GDAP1: variants seen among roughly 807,000 people sequenced by gnomAD.
GDAP1 encodes ganglioside-induced differentiation-associated protein 1.
A neutral mutation model predicts 40.1 loss-of-function variants in GDAP1; 34 were observed. The ratio of observed to expected loss-of-function variants is 0.85; its 90% CI spans 0.64 to 1.13. GDAP1 has a LOEUF of 1.13. GDAP1 is among the 50% of genes most tolerant of loss of function. GDAP1 has a pLI of 0.00. For missense variants in GDAP1, 374 were observed against 433.7 expected, an observed-to-expected ratio of 0.86 and a Z score of 1.22; for synonymous variants, 170 against 157.4, an observed-to-expected ratio of 1.08 and a Z score of -0.60.
intron 2 of GDAP1, among the ~76,000 whole-genome samples, chr8:74,442,779 G>T (rs1446035566): frequency 1.3e-5 from 2 of 152,156 alleles, no homozygotes; most frequent in African/African-American, 4.8e-5. Context: ...AGTAGCAAAG[G>T]AAGGTTGCAT....
intron 2 of GDAP1, among the ~76,000 whole-genome samples, chr8:74,434,029 C>A (rs769462616): frequency 6.6e-6 from 1 of 152,208 alleles, no homozygotes; most frequent in Non-Finnish European, 1.5e-5. Flanking sequence ...TAGGCTGGTA[C>A]TAATTTGTAC....
In GDAP1 at chr8:74,350,555, A is replaced by T. The variant is rs1808801797; in HGVS notation, c.94A>T (p.Thr32Ser). The T allele has an allele frequency of 6.2e-7, 1 of 1,608,130 alleles. No homozygotes were observed. The highest frequency in any genetic ancestry group is 1.3e-5 in the African/African-American group (1 of 74,840). ...GGTTAAGCTCATTCTGTACCATTGG[A>T]CGCATTCCTTCAGCTCTCAAAAGGT... ...AEVKLILYHW[T>S]HSFSSQKVRL... The change falls in exon 1 of 6, where the codon ACG (threonine) becomes TCG (serine). Residue 32 changes from threonine (T) to serine (S), a missense_variant. Transcript: ENST00000220822.
rs930100913 is a variant in GDAP1, at chr8:74,409,002, C to T, written c.165+57681C>T. ...CAAAGGCTGTTTCTTGCAATGTAGT[C>T]CCAGACTACCTTCACCAGAGTCATT... is the stretch of plus-strand genomic sequence containing the variant. On this transcript the variant is annotated intron_variant, in intron 2 of 2. Coordinates refer to the GDAP1 transcript ENST00000523640. 1.3e-5 allele frequency among the ~76,000 whole-genome samples: 2 copies of T among 149,812 alleles called. 1 individual carries two copies. Among genetic ancestry groups the T allele is most frequent in the African/African-American group, 5.1e-5 (2 of 39,234 alleles).
At chr8:74,351,214 A>G in intron 1 of GDAP1, 60 bp from the exon 2 acceptor site, 2 of 1,383,922 alleles carry the variant, frequency 1.4e-6, no homozygotes, top group Non-Finnish European at 2.1e-6. Flanking sequence ...AGCGGTGTCC[A>G]GGGAAGTCAT....
chr8:74,468,953 T>G (rs1806509039), intron 2 of GDAP1, among the ~76,000 whole-genome samples: 1 of 152,150 alleles, frequency 6.6e-6, no homozygotes. Flanking sequence ...TATACTTACA[T>G]TATTAATTAT....
Position 74,485,620 on chromosome 8 carries a change from T to A in GDAP1, c.166-3058T>A, listed in dbSNP as rs1268942437. Among the ~76,000 whole-genome samples, 4 of 151,924 alleles carry A rather than the reference T, an allele frequency of 2.6e-5. No homozygotes were observed. The South Asian group carries it at 8.3e-4, about 32-fold the overall frequency. ...GTTATTATTCGGGAGAGAGTTGAAGTCATTAAGAAAGGCTTTAAATGGGAA... is the reference window on the plus strand; with the variant it reads ...GTTATTATTCGGGAGAGAGTTGAAGACATTAAGAAAGGCTTTAAATGGGAA... On this transcript the variant is annotated intron_variant, in intron 2 of 2. Coordinates refer to the GDAP1 transcript ENST00000523640.
At chr8:74,443,604 C>A (rs962212082) in intron 2 of GDAP1, among the ~76,000 whole-genome samples, 4 of 152,104 alleles carry the variant, frequency 2.6e-5, no homozygotes. Context: ...AGTTGGAGGG[C>A]AGCATGAACA....
chr8:74,373,910 T>C lies in GDAP1; in HGVS notation c.165+22589T>C, dbSNP rs1809799959. On this transcript the variant is annotated intron_variant, in intron 2 of 2. Transcript: ENST00000523640. Reference sequence around the variant, plus strand: ...CTGTGGGTTTGTCATAAATGGCTCTTATTATTTTGAGATGCGTCCCATCAA... The same window carrying C: ...CTGTGGGTTTGTCATAAATGGCTCTCATTATTTTGAGATGCGTCCCATCAA... 2.6e-5 allele frequency among the ~76,000 whole-genome samples: 4 copies of C among 152,226 alleles called. No homozygotes were observed. In the South Asian group the frequency reaches 8.3e-4, roughly 32 times the overall value.
At position 74,417,861 on chromosome 8, in the gene GDAP1, A is replaced by C. The variant is rs117901195; in HGVS notation, c.165+66540A>C. 5.4e-3 allele frequency among the ~76,000 whole-genome samples: 826 copies of C among 152,244 alleles called. 6 individuals carry two copies. Among genetic ancestry groups the C allele is most frequent in the Non-Finnish European group, 8.2e-3 (557 of 68,024 alleles). On this transcript the variant is annotated intron_variant, in intron 2 of 2. Transcript: ENST00000523640. ...TGAGTTTATCAAGGTCAAAGAATGT[A>C]AGATAAACACATGAATATCTATCCT...
intron 2 of GDAP1, among the ~76,000 whole-genome samples, chr8:74,432,011 C>G (rs1806032783): frequency 6.6e-6 from 1 of 152,168 alleles, no homozygotes; most frequent in Non-Finnish European, 1.5e-5. Flanking sequence ...CATTTTGTCA[C>G]ACGGTAAGCA....
At position 74,366,766 on chromosome 8, in the gene GDAP1, G is replaced by A; in HGVS notation, c.*2399G>A. 2.2e-6 allele frequency: 1 copy of A among 453,850 alleles called. No individual in the cohort carries two copies. Among genetic ancestry groups the A allele is most frequent in the Non-Finnish European group, 4.4e-6 (1 of 226,686 alleles). The allele number at this position is 453,850 out of a possible 1,614,324, so 28.1% of individuals were successfully genotyped here. ...TCAATTTTTAGTAATTATTGCTGTT[G>A]ACACCAGCGTTGTAGATTTTTGGTG... On this transcript the variant is annotated 3_prime_UTR_variant, in exon 6 of 6. Coordinates refer to ENST00000220822, the MANE Select transcript of GDAP1 (RefSeq NM_018972.4).
Position 74,366,805 on chromosome 8 carries a change from T to C in GDAP1, c.*2438T>C. ...AGATTTTTGGTGTTGTTGAATGCAG[T>C]AGAGAGACCAAGACACTATTCTGTA... On this transcript the variant is annotated 3_prime_UTR_variant, in exon 6 of 6. Coordinates refer to ENST00000220822, the MANE Select transcript of GDAP1 (RefSeq NM_018972.4). 2.2e-6 allele frequency: 1 copy of C among 453,814 alleles called. No individual in the cohort carries two copies. The highest frequency in any genetic ancestry group is 4.4e-6 in the Non-Finnish European group (1 of 226,680). 28.1% of individuals were successfully genotyped at this position (453,814 alleles called of 1,614,324 possible). A position where few individuals can be genotyped will look rare whatever the true frequency, so the allele number is the denominator to read the frequency against.
At chr8:74,356,944 T>C (rs921653346) in intron 2 of GDAP1, among the ~76,000 whole-genome samples, 9 of 152,034 alleles carry the variant, frequency 5.9e-5, no homozygotes, top group African/African-American at 2.2e-4. Flanking sequence ...CTCGATCTCC[T>C]GACCTCGTGA....
chr8:74,406,150 G>C (rs1805638286), intron 2 of GDAP1, among the ~76,000 whole-genome samples: 1 of 150,236 alleles, frequency 6.7e-6, no homozygotes. Flanking sequence ...ACCTGACCTT[G>C]TCTTAGTTTA....
At chr8:74,357,633 C>T (rs534887921) in intron 2 of GDAP1, among the ~76,000 whole-genome samples, 28 of 152,172 alleles carry the variant, frequency 1.8e-4, no homozygotes, top group Non-Finnish European at 3.1e-4. Context: ...TCAGTTCTTC[C>T]GGCAAGTCGG....
At chr8:74,485,183 A>C (rs1382841960) in intron 2 of GDAP1, among the ~76,000 whole-genome samples, 8 of 152,168 alleles carry the variant, frequency 5.3e-5, no homozygotes, top group Non-Finnish European at 1.2e-4. Flanking sequence ...CAGTTATTAA[A>C]AACTGACAAC....
At chr8:74,390,445 C>T (rs927394580) in intron 2 of GDAP1, among the ~76,000 whole-genome samples, 1 of 152,176 alleles carries the variant, frequency 6.6e-6, no homozygotes, top group African/African-American at 2.4e-5. Context: ...CTGTCTGCTG[C>T]AGGTCTGCTG....
At chr8:74,362,032 A>T (rs1429781845) in intron 4 of GDAP1, 54 bp downstream of exon 4, 2 of 924,950 alleles carry the variant, frequency 2.2e-6, no homozygotes, top group African/African-American at 3.2e-5. Context: ...TAAATGTTCT[A>T]CTTTTTGTAA....
chr8:74,402,626 A>T (rs1003436822), intron 2 of GDAP1, among the ~76,000 whole-genome samples: 15 of 150,324 alleles, frequency 1.0e-4, no homozygotes, highest in Admixed American at 9.2e-4. Context: ...GGAAATGCAG[A>T]AATCACCCGT....
Sources: gnomAD v4.1 joint callset for allele counts (sites outside exome capture counted in the v4.1 genomes callset) on GRCh38, gnomAD v4.1.1 for gene constraint, MANE v1.5 for transcripts, NCBI Gene and HGNC (gene_info 2026-07-23, HGNC 2026-07-21) for gene names.